DHTKD1: variants seen among roughly 807,000 people sequenced by gnomAD.
DHTKD1 encodes the protein 2-oxoadipate dehydrogenase complex component E1.
DHTKD1 carries 78 observed loss-of-function variants against 101.8 expected under a neutral mutation model. The ratio of observed to expected loss-of-function variants is 0.77; its 90% CI spans 0.64 to 0.93. DHTKD1 has a LOEUF of 0.93. Among genes scored for constraint, DHTKD1 ranks in the 40% least tolerant of loss-of-function variants. DHTKD1 has a pLI of 0.00. For missense variants in DHTKD1, 1,223 were observed against 1,161.7 expected (o/e 1.05, Z -0.77); for synonymous variants, 462 against 450.3 (o/e 1.03, Z -0.33).
chr10:12,108,541 A>G (rs531823468), intron 12 of DHTKD1, among the ~76,000 whole-genome samples: 1 of 152,278 alleles, frequency 6.6e-6, no homozygotes, highest in Non-Finnish European at 1.5e-5. Flanking sequence ...CAGCTTCCCA[A>G]AGTGCTGGGA....
At chr10:12,075,072 C>G (rs889977679) in intron 1 of DHTKD1, among the ~76,000 whole-genome samples, 2 of 152,152 alleles carry the variant, frequency 1.3e-5, no homozygotes, top group African/African-American at 4.8e-5. Flanking sequence ...GATGGTGCCA[C>G]TGTACTCCGG....
intron 16 of DHTKD1, 154 bp downstream of exon 16, chr10:12,120,421 C>A: frequency 1.7e-6 from 1 of 599,452 alleles, no homozygotes; most frequent in East Asian, 3.1e-5. Context: ...GCAAGCTCCG[C>A]CCCCCGGGTT....
intron 6 of DHTKD1, among the ~76,000 whole-genome samples, chr10:12,093,259 G>A (rs528718441): frequency 3.0e-4 from 45 of 152,182 alleles, no homozygotes; most frequent in South Asian, 6.2e-4. Context: ...GGTCAGGCTG[G>A]TCTCAAACTC....
At chr10:12,079,098 T>C (rs758237881) in intron 1 of DHTKD1, among the ~76,000 whole-genome samples, 8 of 152,150 alleles carry the variant, frequency 5.3e-5, no homozygotes, top group Non-Finnish European at 1.0e-4. Context: ...TTATGTATTT[T>C]ATTTTTTAGA....
At chr10:12,099,493 T>C (rs554226366) in intron 8 of DHTKD1, among the ~76,000 whole-genome samples, 34 of 152,140 alleles carry the variant, frequency 2.2e-4, no homozygotes, top group Admixed American at 2.2e-3. Context: ...TCAAGACCAG[T>C]CTGACCAACA....
intron 6 of DHTKD1, 78 bp downstream of exon 6, chr10:12,091,762 A>G: frequency 8.4e-7 from 1 of 1,196,454 alleles, no homozygotes; most frequent in Admixed American, 2.2e-5. Flanking sequence ...CACACAGAAC[A>G]ATGAGCCTCA....
intron 1 of DHTKD1, among the ~76,000 whole-genome samples, chr10:12,075,882 CT>C (rs1232138023): frequency 2.0e-5 from 3 of 149,810 alleles, no homozygotes; most frequent in Non-Finnish European, 3.0e-5. Context: ...TATTTTACTT[CT>C]TTTTTTTACT....
chr10:12,099,112 A>G (rs7907822), intron 8 of DHTKD1, among the ~76,000 whole-genome samples: 111,933 of 151,616 alleles, frequency 0.74, 41,956 homozygotes, highest in South Asian at 0.88. Flanking sequence ...CGAGCCTGCA[A>G]TGAGCTGAGA....
intron 1 of DHTKD1, among the ~76,000 whole-genome samples, chr10:12,080,273 C>T (rs1258514180): frequency 7.2e-6 from 1 of 138,710 alleles, no homozygotes; most frequent in Non-Finnish European, 1.5e-5. Context: ...GCACTCCAGG[C>T]TGGGCAACAG....
Position 12,068,990 on chromosome 10 carries a change from C to A in DHTKD1, c.-44C>A. ...GATTTACCAGGGCCGGTGGGATCCC[C>A]TCGGGCTCCCGCCTTAGCATGCTGG... On this transcript the variant is annotated 5_prime_UTR_variant, in exon 1 of 17. Transcript: ENST00000263035. 1 of 1,608,118 alleles carries A rather than the reference C, an allele frequency of 6.2e-7. No individual in the cohort carries two copies. Among genetic ancestry groups the A allele is most frequent in the Non-Finnish European group, 8.5e-7 (1 of 1,177,332 alleles).
intron 7 of DHTKD1, 38 bp from the exon 8 acceptor site, chr10:12,097,646 G>A (rs553715461): frequency 1.2e-5 from 18 of 1,556,850 alleles, no homozygotes; most frequent in Non-Finnish European, 1.5e-5. Flanking sequence ...GATTGTTACA[G>A]GTCAGACTGA....
At chr10:12,119,034 CG>C in intron 15 of DHTKD1, 116 bp downstream of exon 15, 1 of 1,012,976 alleles carries the variant, frequency 9.9e-7, no homozygotes, top group Non-Finnish European at 1.4e-6. Flanking sequence ...GGGCCGGGCG[CG>C]GTGGCTCACA....
intron 7 of DHTKD1, 152 bp downstream of exon 7, chr10:12,094,423 T>A: frequency 1.5e-6 from 1 of 684,696 alleles, no homozygotes; most frequent in Non-Finnish European, 2.5e-6. Flanking sequence ...GTTCAAATGA[T>A]CCTCCTGCCT....
rs1235658336 is a variant in DHTKD1, at chr10:12,101,027, TC to T, written c.1757-14del. Reference sequence around the variant, plus strand: ...ATTTATGGGAATCTGACTTTTTTTTTCTTGCTTGCTTAAGGTTTTAATGTTC... The same window carrying T: ...ATTTATGGGAATCTGACTTTTTTTTTTTGCTTGCTTAAGGTTTTAATGTTC... On this transcript the variant is annotated splice_polypyrimidine_tract_variant and intron_variant, in intron 9 of 16. Transcript: ENST00000263035. 6.2e-7 allele frequency: 1 copy of T among 1,612,394 alleles called. No individual in the cohort carries two copies. Among genetic ancestry groups the T allele is most frequent in the South Asian group, 1.1e-5 (1 of 90,710 alleles).
At chr10:12,108,778 T>C (rs149129506) in intron 12 of DHTKD1, among the ~76,000 whole-genome samples, 2 of 152,314 alleles carry the variant, frequency 1.3e-5, no homozygotes, top group East Asian at 3.9e-4. Context: ...TTTTTTATTA[T>C]ACTTGTTTTT....
At chr10:12,090,157 CTTTAACTACAGGAGA>C (rs1832963329) in intron 5 of DHTKD1, among the ~76,000 whole-genome samples, 1 of 152,036 alleles carries the variant, frequency 6.6e-6, no homozygotes, top group Admixed American at 6.6e-5. Context: ...AAATATGAAC[CTTTAACTACAGGAGA>C]TCATGAAACC....
At chr10:12,088,883 C>T (rs1348217487) in intron 4 of DHTKD1, 103 bp from the exon 5 acceptor site, 24 of 1,123,290 alleles carry the variant, frequency 2.1e-5, no homozygotes, top group Non-Finnish European at 3.0e-5. Context: ...CCACTCCTGG[C>T]TTTAAATTTT....
At chr10:12,090,357 G>A (rs1044340351) in intron 5 of DHTKD1, among the ~76,000 whole-genome samples, 3 of 135,310 alleles carry the variant, frequency 2.2e-5, no homozygotes, top group Non-Finnish European at 5.0e-5. Context: ...TGATATGGCC[G>A]GCCCTCCCTC....
At position 12,089,154 on chromosome 10, in the gene DHTKD1, G is replaced by C; in HGVS notation, c.886G>C (p.Val296Leu). 6.2e-7 allele frequency: 1 copy of C among 1,614,128 alleles called. No homozygotes were observed. The highest frequency in any genetic ancestry group is 2.2e-5 in the East Asian group (1 of 44,888). The change falls in exon 5 of 17, where the codon GTG becomes CTG. Residue 296 changes from valine (V) to leucine (L), a missense_variant. Physicochemically the swap from Val to Leu is conservative, Grantham distance 32. Transcript: ENST00000263035. Reference protein sequence around the residue: ...NPSHLEAVNPVAVGKTRGRQQ... With the variant: ...NPSHLEAVNPLAVGKTRGRQQ... The stretch of plus-strand genomic sequence containing the variant: ...CTCGCACCTGGAGGCCGTCAACCCC[G>C]TGGCCGTGGGCAAAACTCGCGGCAG...
Sources: gnomAD v4.1 joint callset for allele counts (sites outside exome capture counted in the v4.1 genomes callset) on GRCh38, gnomAD v4.1.1 for gene constraint, MANE v1.5 for transcripts, NCBI Gene and HGNC (gene_info 2026-07-23, HGNC 2026-07-21) for gene names.